The following LRBA variants were observed in gnomAD, a reference collection of about 807,000 sequenced individuals.
The protein encoded by LRBA is lipopolysaccharide-responsive and beige-like anchor protein.
LRBA carries 176 observed loss-of-function variants against 330.0 expected under a neutral mutation model. That is an observed-to-expected ratio of 0.53 (90% CI 0.47 to 0.60). The LOEUF (loss-of-function observed/expected upper bound fraction) is 0.60, where lower values mean the gene tolerates loss of function less well. LRBA is among the 20% of genes least tolerant of loss of function. The pLI, the probability that LRBA is intolerant of heterozygous loss-of-function variation, is 0.00. For synonymous variants in LRBA, 1,230 were observed against 1,193.0 expected (o/e 1.03, Z -0.64); for missense variants, 3,259 against 3,444.8 (o/e 0.95, Z 1.35).
Position 150,862,578 on chromosome 4 carries a change from A to C in LRBA, c.2766+5093T>G, listed in dbSNP as rs1752094458. ...GCATTAGGAGATATACCTAATGTAAATGACAAGTTAATGGGTGCAGCACAC... is the reference window on the plus strand; with the variant it reads ...GCATTAGGAGATATACCTAATGTAACTGACAAGTTAATGGGTGCAGCACAC... On this transcript the variant is annotated intron_variant, in intron 22 of 56. Coordinates refer to ENST00000651943, the MANE Select transcript of LRBA (RefSeq NM_001364905.1). Among the ~76,000 whole-genome samples, 6 of 152,044 alleles carry C rather than the reference A, an allele frequency of 3.9e-5. No individual in the cohort carries two copies. In the South Asian group the frequency reaches 1.3e-3, roughly 32 times the overall value.
intron 41 of LRBA, 97 bp downstream of exon 41, chr4:150,490,821 A>G (rs1357316065): frequency 1.7e-6 from 1 of 604,784 alleles, no homozygotes; most frequent in African/African-American, 1.9e-5. Context: ...TGGGCTACAA[A>G]TAACTATCTA....
chr4:150,358,864 G>A (rs1354309559), intron 47 of LRBA, among the ~76,000 whole-genome samples: 1 of 152,120 alleles, frequency 6.6e-6, no homozygotes, highest in Admixed American at 6.5e-5. Flanking sequence ...TGCCTTTGAA[G>A]ATGGCCAGAC....
chr4:150,599,430 A>G (rs555231127), intron 37 of LRBA, among the ~76,000 whole-genome samples: 6 of 152,282 alleles, frequency 3.9e-5, no homozygotes, highest in Non-Finnish European at 8.8e-5. Flanking sequence ...CCCACACTCT[A>G]GTGGCATGTG....
chr4:150,325,777 C>T, intron 49 of LRBA, 32 bp downstream of exon 49: 1 of 1,405,778 alleles, frequency 7.1e-7, no homozygotes, highest in Admixed American at 1.7e-5. Flanking sequence ...GAAGGAGAGG[C>T]AAGAAATGAG....
At chr4:150,833,472 T>G (rs1446394078) in intron 28 of LRBA, among the ~76,000 whole-genome samples, 1 of 152,142 alleles carries the variant, frequency 6.6e-6, no homozygotes, top group Non-Finnish European at 1.5e-5. Flanking sequence ...TCCGGACCAC[T>G]GCAATAAAGT....
At chr4:150,469,590 T>C (rs1195682003) in intron 43 of LRBA, among the ~76,000 whole-genome samples, 1 of 152,198 alleles carries the variant, frequency 6.6e-6, no homozygotes, top group Non-Finnish European at 1.5e-5. Flanking sequence ...TAATTTCTAC[T>C]AAATTCAACA....
chr4:150,354,838 C>T (rs1016588961), intron 47 of LRBA, among the ~76,000 whole-genome samples: 53 of 151,704 alleles, frequency 3.5e-4, no homozygotes, highest in African/African-American at 1.2e-3. Flanking sequence ...GTTCTGCATA[C>T]AGAATATCAA....
chr4:151,004,626 G>C (rs1173073182), intron 2 of LRBA, among the ~76,000 whole-genome samples: 1 of 152,182 alleles, frequency 6.6e-6, no homozygotes, highest in Non-Finnish European at 1.5e-5. Flanking sequence ...TCTTGTAATG[G>C]ACAGAAACTG....
At chr4:150,794,794 T>C (rs965604054) in intron 34 of LRBA, among the ~76,000 whole-genome samples, 1 of 152,090 alleles carries the variant, frequency 6.6e-6, no homozygotes, top group South Asian at 2.1e-4. Flanking sequence ...GTGCTTCTAG[T>C]TTTTCTATAT....
At chr4:150,443,847 T>TAAAAA (rs376721928) in intron 44 of LRBA, among the ~76,000 whole-genome samples, 3,208 of 53,444 alleles carry the variant, frequency 0.06, 167 homozygotes, top group Admixed American at 0.13. Flanking sequence ...AAAGTATAAT[T>TAAAAA]AAAAAAATAT....
At chr4:150,693,847 C>G (rs1325155624) in intron 36 of LRBA, among the ~76,000 whole-genome samples, 4 of 151,942 alleles carry the variant, frequency 2.6e-5, no homozygotes, top group African/African-American at 9.7e-5. Flanking sequence ...TTATAAAAAG[C>G]AAATTTTTAT....
intron 35 of LRBA, among the ~76,000 whole-genome samples, chr4:150,742,990 TAG>T (rs757059978): frequency 2.0e-5 from 3 of 152,180 alleles, no homozygotes; most frequent in Non-Finnish European, 4.4e-5. Context: ...TTTTTGGAGA[TAG>T]AGTCTCACTC....
chr4:150,953,264 C>T (rs551222267), intron 2 of LRBA, among the ~76,000 whole-genome samples: 11 of 152,208 alleles, frequency 7.2e-5, no homozygotes, highest in African/African-American at 2.2e-4. Flanking sequence ...ACTAACCTCA[C>T]GAACATCTAT....
chr4:150,450,474 A>C (rs1753203231), intron 44 of LRBA, among the ~76,000 whole-genome samples: 1 of 152,076 alleles, frequency 6.6e-6, no homozygotes, highest in Non-Finnish European at 1.5e-5. Context: ...ACACAACTCT[A>C]ATATCTCCTT....
chr4:150,852,670 T>C lies in LRBA; in HGVS notation c.3040A>G (p.Thr1014Ala). 1 of 1,614,102 alleles carries C rather than the reference T, an allele frequency of 6.2e-7. No homozygotes were observed. The highest frequency in any genetic ancestry group is 8.5e-7 in the Non-Finnish European group (1 of 1,179,966). ...TCAGCTTTCATTTCTTCATAAGATG[T>C]ATTAGTAGTTTGCAGTTCAATATTA... ...ASNIELQTTN[T>A]SYEEMKAEQE... Residue 1014 changes from threonine to alanine, a missense_variant, in exon 23 of 57, where the codon ACA (threonine) becomes GCA (alanine). Thr to Ala is a moderately conservative substitution (Grantham distance 58). Coordinates refer to ENST00000651943, the MANE Select transcript of LRBA (RefSeq NM_001364905.1).
intron 40 of LRBA, among the ~76,000 whole-genome samples, chr4:150,519,482 G>A (rs939783283): frequency 6.6e-6 from 1 of 151,980 alleles, no homozygotes; most frequent in Non-Finnish European, 1.5e-5. Context: ...TTTTGTTTAT[G>A]GCTTCTTTCA....
intron 37 of LRBA, among the ~76,000 whole-genome samples, chr4:150,623,333 T>C (rs1776502531): frequency 6.6e-6 from 1 of 152,194 alleles, no homozygotes; most frequent in African/African-American, 2.4e-5. Flanking sequence ...TTCAGAAAGA[T>C]GAATCTGACA....
chr4:150,414,902 C>G (rs1382518460), intron 47 of LRBA, among the ~76,000 whole-genome samples: 3 of 152,092 alleles, frequency 2.0e-5, no homozygotes. Context: ...ATACTGAACC[C>G]AGATAATGAA....
intron 47 of LRBA, among the ~76,000 whole-genome samples, chr4:150,377,287 T>C (rs911022426): frequency 2.0e-5 from 3 of 152,136 alleles, no homozygotes; most frequent in Admixed American, 2.0e-4. Flanking sequence ...ACACAGAAAC[T>C]GGACCTAGGC....
Sources: allele counts gnomAD v4.1 joint callset (sites outside exome capture counted in the v4.1 genomes callset), GRCh38; gene constraint gnomAD v4.1.1; transcripts MANE v1.5; gene names NCBI Gene and HGNC (gene_info 2026-07-23, HGNC 2026-07-21).